The following NCAM1 variants were observed in gnomAD, a reference collection of about 807,000 sequenced individuals.
NCAM1 encodes the protein antigen recognized by monoclonal antibody 5.1H11.
Under a neutral mutation model 109.8 loss-of-function variants are expected in NCAM1, and 14 were observed. The ratio of observed to expected loss-of-function variants is 0.13; its 90% CI spans 0.08 to 0.20. The LOEUF is 0.20. Ranked by LOEUF, NCAM1 falls within the 10% of genes least tolerant of loss-of-function variation. NCAM1 has a pLI of 1.00. For synonymous variants in NCAM1, 418 were observed against 442.9 expected (o/e 0.94, Z 0.70); for missense variants, 774 against 1,109.9 (o/e 0.70, Z 4.30).
At position 113,204,475 on chromosome 11, in the gene NCAM1, C is replaced by T. The variant is rs1555112503; in HGVS notation, c.317C>T (p.Ser106Leu). 2 of 1,614,004 alleles carry T rather than the reference C, an allele frequency of 1.2e-6. No individual in the cohort carries two copies. Among genetic ancestry groups the T allele is most frequent in the Admixed American group, 3.3e-5 (2 of 60,030 alleles). ...GTTACAGGCGAGGATGGCAGTGAGT[C>T]AGAGGCCACCGTCAACGTGAAGATC... Reference protein sequence around the residue: ...CVVTGEDGSESEATVNVKIFQ... With the variant: ...CVVTGEDGSELEATVNVKIFQ... The change falls in exon 3 of 20, where the codon TCA (serine) becomes TTA (leucine). Residue 106 changes from serine (S) to leucine (L), a missense_variant. Ser to Leu is a moderately radical substitution (Grantham distance 145). Transcript: ENST00000316851.
chr11:113,035,754 A>G (rs917984613), intron 1 of NCAM1, among the ~76,000 whole-genome samples: 12 of 151,786 alleles, frequency 7.9e-5, no homozygotes, highest in Admixed American at 2.6e-4. Flanking sequence ...AATAATTACT[A>G]TGTCACTGTT....
intron 17 of NCAM1, among the ~76,000 whole-genome samples, chr11:113,267,310 G>A (rs1192961034): frequency 2.0e-5 from 3 of 152,132 alleles, no homozygotes; most frequent in African/African-American, 7.2e-5. Flanking sequence ...GGTACCTGCT[G>A]GGATGTCCTA....
At chr11:113,083,168 A>G (rs966474093) in intron 1 of NCAM1, among the ~76,000 whole-genome samples, 1 of 151,762 alleles carries the variant, frequency 6.6e-6, no homozygotes, top group Non-Finnish European at 1.5e-5. Context: ...GGGGTGTGCT[A>G]TATTTGTTGA....
At chr11:113,142,844 G>A (rs782103982) in intron 1 of NCAM1, among the ~76,000 whole-genome samples, 4 of 152,150 alleles carry the variant, frequency 2.6e-5, no homozygotes, top group Non-Finnish European at 5.9e-5. Flanking sequence ...GTTATTTTCA[G>A]TTTTTACTGT....
intron 1 of NCAM1, among the ~76,000 whole-genome samples, chr11:113,021,789 T>C (rs562861795): frequency 1.4e-4 from 21 of 152,340 alleles, no homozygotes; most frequent in Non-Finnish European, 2.5e-4. Flanking sequence ...AAACCTGCTG[T>C]AGACCATTTT....
intron 1 of NCAM1, among the ~76,000 whole-genome samples, chr11:113,033,232 C>G (rs921729591): frequency 2.0e-5 from 3 of 152,216 alleles, no homozygotes; most frequent in Non-Finnish European, 2.9e-5. Flanking sequence ...TGTTATCAGA[C>G]TTGCTTAGGG....
intron 1 of NCAM1, among the ~76,000 whole-genome samples, chr11:112,994,637 C>G (rs576700911): frequency 5.9e-5 from 9 of 152,228 alleles, no homozygotes; most frequent in Admixed American, 5.9e-4. Context: ...TTCTTAGTCC[C>G]CACTAATTAG....
chr11:112,969,270 G>A (rs1259181209), intron 1 of NCAM1, among the ~76,000 whole-genome samples: 1 of 152,104 alleles, frequency 6.6e-6, no homozygotes, highest in Non-Finnish European at 1.5e-5. Flanking sequence ...AAAAAATTCT[G>A]CAAGTCCAGA....
chr11:113,257,656 G>C (rs1456371897), intron 16 of NCAM1, among the ~76,000 whole-genome samples: 1 of 152,204 alleles, frequency 6.6e-6, no homozygotes, highest in Non-Finnish European at 1.5e-5. Flanking sequence ...AAATATGTTA[G>C]ATTTCAACAA....
chr11:113,065,468 C>A (rs1296058908), intron 1 of NCAM1, among the ~76,000 whole-genome samples: 2 of 152,102 alleles, frequency 1.3e-5, no homozygotes, highest in Admixed American at 1.3e-4. Flanking sequence ...GTAAATAGTA[C>A]CCAAGCCATG....
chr11:113,084,685 T>C (rs1053870777), intron 1 of NCAM1, among the ~76,000 whole-genome samples: 6 of 152,228 alleles, frequency 3.9e-5, no homozygotes, highest in Non-Finnish European at 8.8e-5. Context: ...AAGGTTATCC[T>C]GATGTCTGCA....
At chr11:113,210,132 A>G (rs1944345473) in intron 7 of NCAM1, among the ~76,000 whole-genome samples, 1 of 152,176 alleles carries the variant, frequency 6.6e-6, no homozygotes. Context: ...GCAGGGAGAT[A>G]AGCCTGGAAA....
At position 113,165,865 on chromosome 11, in the gene NCAM1, T is replaced by G. The variant is rs187771355; in HGVS notation, c.53-36514T>G. Among the ~76,000 whole-genome samples the G allele has an allele frequency of 8.1e-3, 1,232 of 151,374 alleles. 6 individuals carry two copies. Among genetic ancestry groups the G allele is most frequent in the Non-Finnish European group, 0.015 (993 of 67,892 alleles). On this transcript the variant is annotated intron_variant, in intron 1 of 19. Coordinates refer to ENST00000316851, the MANE Select transcript of NCAM1 (RefSeq NM_181351.5). ...TCTCGCTCTGTCACCCAGGCTGGAG[T>G]GCAGTGGCGTGATCTCGGCTCACTG...
Position 113,231,786 on chromosome 11 carries a change from G to A in NCAM1, c.1231G>A (p.Glu411Lys). ...IGQDSQSMYL[E>K]VQYAPKLQGP... ...CCAGGACTCCCAGTCCATGTACCTTGAAGTGCAATGTAAGGAATAAATGGG... is the reference window on the plus strand; with the variant it reads ...CCAGGACTCCCAGTCCATGTACCTTAAAGTGCAATGTAAGGAATAAATGGG... The change falls in exon 10 of 20, where the codon GAA (glutamate) becomes AAA (lysine). Residue 411 changes from glutamate (E) to lysine (K), a missense_variant. Coordinates refer to ENST00000316851, the MANE Select transcript of NCAM1 (RefSeq NM_181351.5). 6.2e-7 allele frequency: 1 copy of A among 1,613,964 alleles called. No individual in the cohort carries two copies. Among genetic ancestry groups the A allele is most frequent in the East Asian group, 2.2e-5 (1 of 44,874 alleles).
At chr11:113,078,183 C>T (rs1210070680) in intron 1 of NCAM1, among the ~76,000 whole-genome samples, 1 of 152,150 alleles carries the variant, frequency 6.6e-6, no homozygotes, top group Non-Finnish European at 1.5e-5. Context: ...TTTCTTCTTT[C>T]TTCCAGCGTC....
chr11:113,231,017 C>G (rs1591440296), intron 9 of NCAM1, among the ~76,000 whole-genome samples: 3 of 152,172 alleles, frequency 2.0e-5, no homozygotes, highest in Non-Finnish European at 4.4e-5. Context: ...TGCCATTGTC[C>G]CTGGAGAGAG....
chr11:113,060,086 TG>T (rs1953862424), intron 1 of NCAM1, among the ~76,000 whole-genome samples: 1 of 152,230 alleles, frequency 6.6e-6, no homozygotes, highest in Admixed American at 6.5e-5. Context: ...AAGAGTTGAA[TG>T]TTTTTAAGAT....
At chr11:113,022,500 C>T (rs545353062) in intron 1 of NCAM1, among the ~76,000 whole-genome samples, 12 of 152,178 alleles carry the variant, frequency 7.9e-5, no homozygotes, top group South Asian at 2.1e-4. Flanking sequence ...TATAAACTTG[C>T]GCAATAGTAT....
At chr11:113,175,270 A>G (rs1555106841) in intron 1 of NCAM1, among the ~76,000 whole-genome samples, 2 of 152,236 alleles carry the variant, frequency 1.3e-5, no homozygotes, top group African/African-American at 4.8e-5. Context: ...CAGCACCACA[A>G]TAACCCTTGG....
Sources: gnomAD v4.1 joint callset for allele counts (sites outside exome capture counted in the v4.1 genomes callset) on GRCh38, gnomAD v4.1.1 for gene constraint, MANE v1.5 for transcripts, NCBI Gene and HGNC (gene_info 2026-07-23, HGNC 2026-07-21) for gene names.